FRMD4A: variants seen among roughly 807,000 people sequenced by gnomAD.
FRMD4A encodes FERM domain containing 4A.
FRMD4A carries 29 observed loss-of-function variants against 129.1 expected under a neutral mutation model. That is an observed-to-expected ratio of 0.22 (90% CI 0.17 to 0.31). The LOEUF is 0.31. Among genes scored for constraint, FRMD4A ranks in the 10% least tolerant of loss-of-function variants. FRMD4A has a pLI of 1.00. For missense variants in FRMD4A, 1,272 were observed against 1,375.8 expected (o/e 0.92, Z 1.19); for synonymous variants, 634 against 571.6 (o/e 1.11, Z -1.56).
intron 5 of FRMD4A, among the ~76,000 whole-genome samples, chr10:13,791,814 C>T (rs11597486): frequency 0.3 from 45,300 of 152,004 alleles, 8,091 homozygotes; most frequent in South Asian, 0.48. Flanking sequence ...TTGTAAGTCT[C>T]GGGAGTGACA....
chr10:13,888,392 T>C (rs997463080), intron 2 of FRMD4A, among the ~76,000 whole-genome samples: 2 of 152,214 alleles, frequency 1.3e-5, no homozygotes, highest in Admixed American at 6.5e-5. Flanking sequence ...TTTGTTGTTG[T>C]TCCTTTCATG....
intron 12 of FRMD4A, among the ~76,000 whole-genome samples, chr10:13,710,886 C>G (rs867782969): frequency 1.8e-4 from 28 of 152,184 alleles, no homozygotes; most frequent in Middle Eastern, 3.4e-3. Context: ...TAGTGGTGGG[C>G]ACCTGTAGTC....
intron 2 of FRMD4A, among the ~76,000 whole-genome samples, chr10:14,249,697 C>A (rs994452145): frequency 1.3e-5 from 2 of 152,286 alleles, no homozygotes; most frequent in East Asian, 1.9e-4. Flanking sequence ...TTCATGATAG[C>A]ATTATTCTTA....
At chr10:14,136,516 A>G (rs942909867) in intron 2 of FRMD4A, among the ~76,000 whole-genome samples, 3 of 152,136 alleles carry the variant, frequency 2.0e-5, no homozygotes, top group Non-Finnish European at 4.4e-5. Flanking sequence ...TTACTGAGCC[A>G]GACTGAGGCA....
At chr10:14,129,409 A>T (rs7084830) in intron 2 of FRMD4A, among the ~76,000 whole-genome samples, 15,020 of 92,870 alleles carry the variant, frequency 0.16, 2,019 homozygotes, top group East Asian at 0.36. Context: ...TATATATATA[A>T]AAAATATGAG....
intron 2 of FRMD4A, among the ~76,000 whole-genome samples, chr10:14,286,150 T>C (rs1845674502): frequency 6.6e-6 from 1 of 152,214 alleles, no homozygotes; most frequent in Non-Finnish European, 1.5e-5. Context: ...GCTCCTGTTC[T>C]TCTTGGACTC....
chr10:13,746,468 C>T (rs2091297693), intron 9 of FRMD4A, among the ~76,000 whole-genome samples: 1 of 152,032 alleles, frequency 6.6e-6, no homozygotes, highest in Admixed American at 6.6e-5. Context: ...CCGCCATGGC[C>T]TCCCAAAGTG....
At chr10:13,752,572 G>C (rs1010467934) in intron 8 of FRMD4A, among the ~76,000 whole-genome samples, 1 of 152,180 alleles carries the variant, frequency 6.6e-6, no homozygotes, top group African/African-American at 2.4e-5. Flanking sequence ...AGTCGTTTCT[G>C]TCTGCACTGG....
At chr10:13,813,740 T>C (rs2093488835) in intron 3 of FRMD4A, among the ~76,000 whole-genome samples, 1 of 152,214 alleles carries the variant, frequency 6.6e-6, no homozygotes, top group Non-Finnish European at 1.5e-5. Flanking sequence ...CTTGTGACTG[T>C]ATGGCTGAGC....
chr10:14,018,047 C>T (rs2095704675), intron 2 of FRMD4A, among the ~76,000 whole-genome samples: 2 of 152,108 alleles, frequency 1.3e-5, no homozygotes, highest in African/African-American at 4.8e-5. Context: ...GTACTCCATT[C>T]TAAGAATTTT....
chr10:14,156,787 G>A (rs991383442), intron 2 of FRMD4A, among the ~76,000 whole-genome samples: 1 of 152,208 alleles, frequency 6.6e-6, no homozygotes, highest in Non-Finnish European at 1.5e-5. Flanking sequence ...GCTGTTCCTG[G>A]AACATAGCTT....
At chr10:14,158,719 A>G in intron 2 of FRMD4A, among the ~76,000 whole-genome samples, 1 of 150,512 alleles carries the variant, frequency 6.6e-6, no homozygotes. Context: ...AGTAGGAGGA[A>G]GAGGAGGATG....
Position 13,858,833 on chromosome 10 carries a change from C to T in FRMD4A, c.111+14G>A, listed in dbSNP as rs2094250794. On this transcript the variant is annotated intron_variant, in intron 3 of 24. Transcript: ENST00000357447. Reference sequence around the variant, plus strand: ...CACCAAAGAAACTCAGAAAGTTGACCAAAAGCGATTTACCTGTACTAGGAG... The same window carrying T: ...CACCAAAGAAACTCAGAAAGTTGACTAAAAGCGATTTACCTGTACTAGGAG... 1 of 1,536,140 alleles carries T rather than the reference C, an allele frequency of 6.5e-7. No homozygotes were observed. Among genetic ancestry groups the T allele is most frequent in the Non-Finnish European group, 9.0e-7 (1 of 1,108,980 alleles).
chr10:14,194,096 T>C (rs1219112918), intron 2 of FRMD4A, among the ~76,000 whole-genome samples: 9 of 152,216 alleles, frequency 5.9e-5, no homozygotes, highest in African/African-American at 2.2e-4. Context: ...GTTTCCTCTG[T>C]GATTTTAATT....
At chr10:13,884,072 G>A (rs560158206) in intron 2 of FRMD4A, among the ~76,000 whole-genome samples, 13 of 150,608 alleles carry the variant, frequency 8.6e-5, no homozygotes, top group South Asian at 4.2e-4. Flanking sequence ...ATATTTTCAC[G>A]GTGGTTGAGT....
intron 3 of FRMD4A, among the ~76,000 whole-genome samples, chr10:13,823,652 C>T (rs1295750456): frequency 6.6e-6 from 1 of 152,186 alleles, no homozygotes; most frequent in African/African-American, 2.4e-5. Context: ...TCTTGTCCTG[C>T]AGTGAGTAAT....
intron 22 of FRMD4A, chr10:13,655,794 G>T (rs1309691379): frequency 2.0e-5 from 3 of 152,088 alleles, no homozygotes. Flanking sequence ...TTCTTATGAT[G>T]TTTACCATTT....
At chr10:14,179,094 T>C (rs1397692069) in intron 2 of FRMD4A, among the ~76,000 whole-genome samples, 1 of 152,200 alleles carries the variant, frequency 6.6e-6, no homozygotes, top group Non-Finnish European at 1.5e-5. Flanking sequence ...TAGGCCATGG[T>C]TGGAGGCTCA....
intron 8 of FRMD4A, among the ~76,000 whole-genome samples, chr10:13,753,454 G>A (rs182593099): frequency 6.6e-6 from 1 of 152,204 alleles, no homozygotes; most frequent in African/African-American, 2.4e-5. Context: ...TGAATTCTGG[G>A]CATGAATCAT....
Sources: gnomAD v4.1 joint callset for allele counts (sites outside exome capture counted in the v4.1 genomes callset) on GRCh38, gnomAD v4.1.1 for gene constraint, MANE v1.5 for transcripts, NCBI Gene and HGNC (gene_info 2026-07-23, HGNC 2026-07-21) for gene names.